Variants in TGM6 observed in about 807,000 individuals in gnomAD.
TGM6 encodes the protein protein-glutamine gamma-glutamyltransferase 6.
In TGM6, 74 loss-of-function variants were observed where a neutral mutation model predicts 77.5. That is an observed-to-expected ratio of 0.96 (90% CI 0.79 to 1.16). TGM6 has a LOEUF of 1.16. Ranked by LOEUF, TGM6 falls within the 50% of genes most tolerant of loss-of-function variation. The pLI, the probability that TGM6 is intolerant of heterozygous loss-of-function variation, is 0.00. For synonymous variants in TGM6, 383 were observed against 378.9 expected, an observed-to-expected ratio of 1.01 and a Z score of -0.12; for missense variants, 968 against 940.2, an observed-to-expected ratio of 1.03 and a Z score of -0.39.
chr20:2,384,224 C>T (rs370489726), intron 1 of TGM6, among the ~76,000 whole-genome samples: 2 of 152,058 alleles, frequency 1.3e-5, no homozygotes, highest in South Asian at 2.1e-4. Context: ...ATTGCCCTAG[C>T]GTGTTTATTA....
At chr20:2,400,167 C>A in intron 6 of TGM6, 139 bp from the exon 7 acceptor site, 1 of 1,236,576 alleles carries the variant, frequency 8.1e-7, no homozygotes, top group Non-Finnish European at 1.1e-6. Flanking sequence ...AGCCCCACAA[C>A]CTGATGAACT....
In TGM6 at chr20:2,395,445, G is replaced by A. The variant is rs914789790; in HGVS notation, c.424+9G>A. 6.2e-7 allele frequency: 1 copy of A among 1,614,234 alleles called. No homozygotes were observed. Among genetic ancestry groups the A allele is most frequent in the Non-Finnish European group, 8.5e-7 (1 of 1,180,046 alleles). ...CAACCCATGGTGTGCAGGTAGGAGT[G>A]GCCAAGTCCAATGCAGAGGTTTTTC... On this transcript the variant is annotated intron_variant, in intron 3 of 12. Transcript: ENST00000202625.
chr20:2,414,402 AG>A (rs2122401243), intron 9 of TGM6, among the ~76,000 whole-genome samples: 1 of 152,330 alleles, frequency 6.6e-6, no homozygotes, highest in South Asian at 2.1e-4. Context: ...GTCATCAAAA[AG>A]ATAGACAATT....
chr20:2,430,372 A>C, intron 10 of TGM6, 74 bp from the exon 11 acceptor site: 1 of 1,583,220 alleles, frequency 6.3e-7, no homozygotes. Context: ...TTAGTTGTGC[A>C]TTCCCTTCCT....
At chr20:2,413,227 G>A (rs2084795237) in intron 9 of TGM6, among the ~76,000 whole-genome samples, 1 of 152,124 alleles carries the variant, frequency 6.6e-6, no homozygotes, top group Admixed American at 6.6e-5. Context: ...GGCCAGCTGG[G>A]CAACATGGAC....
intron 9 of TGM6, among the ~76,000 whole-genome samples, chr20:2,415,126 C>A (rs1194473256): frequency 6.6e-6 from 1 of 152,114 alleles, no homozygotes; most frequent in East Asian, 1.9e-4. Context: ...GCATTACATT[C>A]TTTGGCAGGG....
At chr20:2,411,892 A>G (rs1409364328) in intron 9 of TGM6, among the ~76,000 whole-genome samples, 1 of 152,262 alleles carries the variant, frequency 6.6e-6, no homozygotes, top group Non-Finnish European at 1.5e-5. Flanking sequence ...TATTAAAAAT[A>G]GAATTATCAT....
chr20:2,404,941 C>T (rs1214801851), intron 9 of TGM6, among the ~76,000 whole-genome samples: 1 of 152,092 alleles, frequency 6.6e-6, no homozygotes, highest in African/African-American at 2.4e-5. Flanking sequence ...GCACCTAGCC[C>T]CTTGTTGCAC....
At chr20:2,390,511 T>C (rs921475651) in intron 1 of TGM6, among the ~76,000 whole-genome samples, 2 of 152,236 alleles carry the variant, frequency 1.3e-5, no homozygotes, top group Non-Finnish European at 2.9e-5. Flanking sequence ...AGTTTCCTCA[T>C]TCATTCATTA....
At position 2,395,360 on chromosome 20, in the gene TGM6, C is replaced by T. The variant is rs1378011493; in HGVS notation, c.348C>T (p.Ile116=). Residue 116 remains isoleucine (I), a synonymous_variant, in exon 3 of 13, where the codon ATC becomes ATT. Coordinates refer to ENST00000202625, the MANE Select transcript of TGM6 (RefSeq NM_198994.3). ...SAVIGRYLLS[I]RLSSHRKHSN... The stretch of plus-strand genomic sequence containing the variant: ...TCATTGGCCGCTACCTGCTGAGCAT[C>T]AGGCTTTCCTCTCACCGCAAACACA... 1 of 1,614,276 alleles carries T rather than the reference C, an allele frequency of 6.2e-7. No homozygotes were observed. The highest frequency in any genetic ancestry group is 1.1e-5 in the South Asian group (1 of 91,084).
intron 6 of TGM6, 97 bp from the exon 7 acceptor site, chr20:2,400,209 G>T (rs922200079): frequency 1.3e-6 from 2 of 1,568,900 alleles, no homozygotes; most frequent in Non-Finnish European, 1.7e-6. Context: ...GTGGCAGAGG[G>T]CTTTGGCCAC....
At chr20:2,403,952 G>C (rs1053874771) in intron 9 of TGM6, 129 bp downstream of exon 9, 3 of 1,482,090 alleles carry the variant, frequency 2.0e-6, no homozygotes, top group African/African-American at 1.4e-5. Context: ...TTCCATTCAC[G>C]TTGTCTCTGT....
In TGM6 at chr20:2,399,829, A is replaced by G. The variant is rs764637317; in HGVS notation, c.850+91A>G. The stretch of plus-strand genomic sequence containing the variant: ...CATATATTTGCATATGCTGCAACCC[A>G]TCTTCATTGATGGATTCATTGACAG... On this transcript the variant is annotated intron_variant, in intron 6 of 12. Coordinates refer to ENST00000202625, the MANE Select transcript of TGM6 (RefSeq NM_198994.3). 47 of 1,122,542 alleles carry G rather than the reference A, an allele frequency of 4.2e-5. No individual in the cohort carries two copies. In the Middle Eastern group the frequency reaches 7.6e-4, roughly 18 times the overall value. The allele number at this position is 1,122,542 out of a possible 1,614,324, so 69.5% of individuals were successfully genotyped here.
chr20:2,385,118 G>A (rs1193106914), intron 1 of TGM6, among the ~76,000 whole-genome samples: 1 of 152,192 alleles, frequency 6.6e-6, no homozygotes, highest in East Asian at 1.9e-4. Flanking sequence ...ATTCGGCCAA[G>A]GGAATTTGTG....
intron 2 of TGM6, among the ~76,000 whole-genome samples, chr20:2,394,903 C>T (rs1199345238): frequency 2.0e-5 from 3 of 152,204 alleles, no homozygotes; most frequent in Non-Finnish European, 4.4e-5. Context: ...ACCCGTCAAG[C>T]ACTTTGAAGC....
chr20:2,407,220 G>T (rs1208473409), intron 9 of TGM6, among the ~76,000 whole-genome samples: 1 of 152,170 alleles, frequency 6.6e-6, no homozygotes, highest in African/African-American at 2.4e-5. Flanking sequence ...TGGGCAACGT[G>T]ATTTTACATT....
Position 2,403,721 on chromosome 20 carries a change from C to T in TGM6, c.1234C>T (p.Arg412Cys), listed in dbSNP as rs200536588. The T allele has an allele frequency of 3.5e-5, 57 of 1,614,074 alleles. No individual in the cohort carries two copies. In the Middle Eastern group the frequency reaches 8.2e-4, roughly 23 times the overall value. Residue 412 changes from arginine (R) to cysteine (C), a missense_variant, in exon 9 of 13, where the codon CGT becomes TGT. Physicochemically the swap from Arg to Cys is radical, Grantham distance 180 (BLOSUM62 -3). Coordinates refer to ENST00000202625, the MANE Select transcript of TGM6 (RefSeq NM_198994.3). Reference protein sequence around the residue: ...WLWHEDESRERVYSNTKKIGR... With the variant: ...WLWHEDESRECVYSNTKKIGR... Reference sequence around the variant, plus strand: ...GTGGCACGAGGATGAGAGCCGGGAGCGTGTATACTCAAACACGAAGAAGAT... The same window carrying T: ...GTGGCACGAGGATGAGAGCCGGGAGTGTGTATACTCAAACACGAAGAAGAT...
chr20:2,411,923 C>T (rs2084786540), intron 9 of TGM6, among the ~76,000 whole-genome samples: 1 of 152,168 alleles, frequency 6.6e-6, no homozygotes, highest in Non-Finnish European at 1.5e-5. Context: ...AATTCAGCTT[C>T]CAGGTATATG....
chr20:2,395,867 G>A (rs2084661944), intron 3 of TGM6, among the ~76,000 whole-genome samples: 1 of 152,304 alleles, frequency 6.6e-6, no homozygotes, highest in Non-Finnish European at 1.5e-5. Context: ...GGGTGGCCAG[G>A]ATCAGTATTA....
Sources: gnomAD v4.1 joint callset for allele counts (sites outside exome capture counted in the v4.1 genomes callset) on GRCh38, gnomAD v4.1.1 for gene constraint, MANE v1.5 for transcripts, NCBI Gene and HGNC (gene_info 2026-07-23, HGNC 2026-07-21) for gene names.